Variants in UNK observed in about 807,000 individuals in gnomAD.
UNK encodes the protein unk zinc finger, also known as RING finger protein unkempt homolog.
A neutral mutation model predicts 97.6 loss-of-function variants in UNK; 32 were observed. The observed-to-expected ratio is 0.33, with a 90% CI of 0.25 to 0.44. The LOEUF is 0.44. Among genes scored for constraint, UNK ranks in the 20% least tolerant of loss-of-function variants. The pLI, the probability that UNK is intolerant of heterozygous loss-of-function variation, is 1.00. For synonymous variants in UNK, 441 were observed against 461.2 expected, an observed-to-expected ratio of 0.96 and a Z score of 0.56; for missense variants, 771 against 1,098.4, an observed-to-expected ratio of 0.70 and a Z score of 4.21.
chr17:75,822,792 C>G, intron 14 of UNK, 134 bp downstream of exon 14: 1 of 1,145,784 alleles, frequency 8.7e-7, no homozygotes, highest in Non-Finnish European at 1.2e-6. Flanking sequence ...GTTTTGTTCG[C>G]TCGCTCTCCC....
chr17:75,824,265 G>C lies in UNK; in HGVS notation c.2281G>C (p.Val761Leu). ...CACGATGCCCCTTTCCCTGCAGGCC[G>C]TGTTCCACATGCAGTCGGTGAAATG... ...RAHLEQVDKAVFHMQSVKCLK... is the reference protein window; with the variant it reads ...RAHLEQVDKALFHMQSVKCLK... Residue 761 changes from valine (V) to leucine (L), a missense_variant, in exon 16 of 16, where the codon GTG becomes CTG. Transcript: ENST00000589666. This position sits in a 1 kb window ranked among gnomAD's most constrained non-coding sequence, Gnocchi z 4.9. 1 of 1,594,084 alleles carries C rather than the reference G, an allele frequency of 6.3e-7. No individual in the cohort carries two copies. Among genetic ancestry groups the C allele is most frequent in the South Asian group, 1.1e-5 (1 of 89,362 alleles).
rs2062034406 is a variant in UNK, at chr17:75,818,206, G to A, written c.1371+38G>A. The A allele has an allele frequency of 6.8e-6, 11 of 1,610,366 alleles. No individual in the cohort carries two copies. Among genetic ancestry groups the A allele is most frequent in the Non-Finnish European group, 7.6e-6 (9 of 1,177,852 alleles). The stretch of plus-strand genomic sequence containing the variant: ...CAGCCCCCTTCCTCCCCTCTGCTGT[G>A]GACAGGAGTGGCCCAGAACCCCAGG... On this transcript the variant is annotated intron_variant, in intron 10 of 15. Coordinates refer to ENST00000589666, the MANE Select transcript of UNK (RefSeq NM_001080419.3). This position sits in a 1 kb window ranked among gnomAD's most constrained non-coding sequence, Gnocchi z 5.1.
At position 75,809,892 on chromosome 17, in the gene UNK, C is replaced by T. The variant is rs751752559; in HGVS notation, c.237C>T (p.Asp79=). The T allele has an allele frequency of 1.3e-5, 21 of 1,613,782 alleles. No individual in the cohort carries two copies. The highest frequency in any genetic ancestry group is 4.5e-5 in the East Asian group (2 of 44,904). The part of the protein sequence containing the change: ...QRRRRSIRRR[D]GTFNYSPDVY... ...GCCGCCGGTCCATCCGCCGTCGGGA[C>T]GGCACCTTCAATTACAGCCCTGACG... Residue 79 remains aspartate (D), a synonymous_variant, in exon 2 of 16, where the codon GAC becomes GAT. Transcript: ENST00000589666.
At chr17:75,803,325 C>T (rs1284257925) in intron 1 of UNK, among the ~76,000 whole-genome samples, 1 of 152,156 alleles carries the variant, frequency 6.6e-6, no homozygotes, top group East Asian at 1.9e-4. Context: ...ATCACTTGAA[C>T]CCGGGAGGCG....
At position 75,819,021 on chromosome 17, in the gene UNK, TGTGCAAATTAGAAAGAG is replaced by T. The variant is rs926865514; in HGVS notation, c.1546+210_1546+226del. 1.8e-6 allele frequency: 1 copy of T among 541,542 alleles called. No homozygotes were observed. Among genetic ancestry groups the T allele is most frequent in the Non-Finnish European group, 3.1e-6 (1 of 326,734 alleles). The allele number at this position is 541,542 out of a possible 1,614,324, so 33.5% of individuals were successfully genotyped here. Reference sequence around the variant, plus strand: ...CCAGGACTGACCCTTAGAGCTCCTTTGTGCAAATTAGAAAGAGGTGCCTTTTCCCCTTGGTGAGTACA... The same window carrying T: ...CCAGGACTGACCCTTAGAGCTCCTTTGTGCCTTTTCCCCTTGGTGAGTACA... On this transcript the variant is annotated intron_variant, in intron 11 of 15. Coordinates refer to ENST00000589666, the MANE Select transcript of UNK (RefSeq NM_001080419.3). This position sits in a 1 kb window ranked among gnomAD's most constrained non-coding sequence, Gnocchi z 5.4.
At chr17:75,799,462 T>C (rs1020710300) in intron 1 of UNK, among the ~76,000 whole-genome samples, 2 of 152,212 alleles carry the variant, frequency 1.3e-5, no homozygotes, top group African/African-American at 4.8e-5. Flanking sequence ...AGAGAGAGCT[T>C]ACTGAGTTAA....
At chr17:75,785,079 T>G in intron 1 of UNK, 95 bp downstream of exon 1, 4 of 728,972 alleles carry the variant, frequency 5.5e-6, no homozygotes, top group Non-Finnish European at 8.4e-6. Context: ...GGCGGCCTCT[T>G]CCTCCCCCCC....
chr17:75,818,995 G>A lies in UNK; in HGVS notation c.1546+179G>A. 2.8e-6 allele frequency: 2 copies of A among 701,906 alleles called. No homozygotes were observed. The highest frequency in any genetic ancestry group is 4.4e-6 in the Non-Finnish European group (2 of 450,176). 43.5% of individuals were successfully genotyped at this position (701,906 alleles called of 1,614,324 possible). On this transcript the variant is annotated intron_variant, in intron 11 of 15. Coordinates refer to ENST00000589666, the MANE Select transcript of UNK (RefSeq NM_001080419.3). This position sits in a 1 kb window ranked among gnomAD's most constrained non-coding sequence, Gnocchi z 5.1. ...AGGGGAAATGACCCCAAGGTGTAGG[G>A]CCAGGACTGACCCTTAGAGCTCCTT...
intron 4 of UNK, among the ~76,000 whole-genome samples, 158 bp downstream of exon 4, chr17:75,812,743 C>T (rs754095772): frequency 2.6e-5 from 4 of 152,226 alleles, no homozygotes; most frequent in East Asian, 3.8e-4. Flanking sequence ...CCTCTAGGGG[C>T]GTTTTCCCTG....
At position 75,818,982 on chromosome 17, in the gene UNK, C is replaced by A; in HGVS notation, c.1546+166C>A. ...TCCTTTGAGCTAAAGGGGAAATGAC[C>A]CCAAGGTGTAGGGCCAGGACTGACC... On this transcript the variant is annotated intron_variant, in intron 11 of 15. Transcript: ENST00000589666. The surrounding 1 kb of genome is among the most constrained non-coding windows in gnomAD (Gnocchi z 5.1). The A allele has an allele frequency of 1.2e-6, 1 of 820,542 alleles. No homozygotes were observed. The highest frequency in any genetic ancestry group is 1.8e-6 in the Non-Finnish European group (1 of 550,086). The allele number at this position is 820,542 out of a possible 1,614,324, so 50.8% of individuals were successfully genotyped here.
intron 1 of UNK, among the ~76,000 whole-genome samples, chr17:75,807,425 G>A (rs1046527386): frequency 3.3e-5 from 5 of 152,300 alleles, no homozygotes; most frequent in Non-Finnish European, 7.4e-5. Context: ...TGCCAGTTAC[G>A]TTGGAAACAG....
At chr17:75,791,075 C>T (rs1392117374) in intron 1 of UNK, among the ~76,000 whole-genome samples, 1 of 152,194 alleles carries the variant, frequency 6.6e-6, no homozygotes, top group Non-Finnish European at 1.5e-5. Flanking sequence ...GCAGTGACTG[C>T]AGTCGGTTCT....
intron 1 of UNK, among the ~76,000 whole-genome samples, chr17:75,805,988 T>A (rs945313353): frequency 3.9e-5 from 6 of 151,908 alleles, no homozygotes; most frequent in Non-Finnish European, 8.8e-5. Flanking sequence ...GGCTCACGCC[T>A]GTAATCCTAG....
Position 75,818,277 on chromosome 17 carries a change from C to T in UNK, c.1371+109C>T. ...CACCACTTTTCCCAAAAGCTGAGGG[C>T]AGGACTAAAGTGGGGTCCCAGCCAC... is the stretch of plus-strand genomic sequence containing the variant. On this transcript the variant is annotated intron_variant, in intron 10 of 15. Transcript: ENST00000589666. This position sits in a 1 kb window ranked among gnomAD's most constrained non-coding sequence, Gnocchi z 5.1. 1 of 1,296,632 alleles carries T rather than the reference C, an allele frequency of 7.7e-7. No homozygotes were observed. 80.3% of individuals were successfully genotyped at this position (1,296,632 alleles called of 1,614,324 possible). A position where few individuals can be genotyped will look rare whatever the true frequency, so the allele number is the denominator to read the frequency against.
At position 75,824,242 on chromosome 17, in the gene UNK, C is replaced by A; in HGVS notation, c.2278-20C>A. On this transcript the variant is annotated intron_variant, in intron 15 of 15. Transcript: ENST00000589666. The surrounding 1 kb of genome is among the most constrained non-coding windows in gnomAD (Gnocchi z 4.9). Reference sequence around the variant, plus strand: ...GGGCCAGACCCATGGATGGTGACCACGATGCCCCTTTCCCTGCAGGCCGTG... The same window carrying A: ...GGGCCAGACCCATGGATGGTGACCAAGATGCCCCTTTCCCTGCAGGCCGTG... 6.4e-7 allele frequency: 1 copy of A among 1,569,360 alleles called. No individual in the cohort carries two copies. Among genetic ancestry groups the A allele is most frequent in the South Asian group, 1.1e-5 (1 of 87,212 alleles).
In UNK at chr17:75,819,052, T is replaced by A; in HGVS notation, c.1546+236T>A. On this transcript the variant is annotated intron_variant, in intron 11 of 15. Transcript: ENST00000589666. The surrounding 1 kb of genome is among the most constrained non-coding windows in gnomAD (Gnocchi z 5.4). The stretch of plus-strand genomic sequence containing the variant: ...AATTAGAAAGAGGTGCCTTTTCCCC[T>A]TGGTGAGTACAGTCTCACCCCAAGA... 1 of 476,614 alleles carries A rather than the reference T, an allele frequency of 2.1e-6. No individual in the cohort carries two copies. The highest frequency in any genetic ancestry group is 4.1e-5 in the Admixed American group (1 of 24,350). 29.5% of individuals were successfully genotyped at this position (476,614 alleles called of 1,614,324 possible). A position where few individuals can be genotyped will look rare whatever the true frequency, so the allele number is the denominator to read the frequency against.
Position 75,798,768 on chromosome 17 carries a change from GAC to G in UNK, c.105-10991_105-10990del, listed in dbSNP as rs1272594461. On this transcript the variant is annotated intron_variant, in intron 1 of 15. Coordinates refer to ENST00000589666, the MANE Select transcript of UNK (RefSeq NM_001080419.3). The stretch of plus-strand genomic sequence containing the variant: ...TACCTGTAATCCCAGCACTTTGAGA[GAC>G]TAAAGAGGGTTGCTTGCTGGGCACG... 2.0e-5 allele frequency among the ~76,000 whole-genome samples: 3 copies of G among 152,110 alleles called. No individual in the cohort carries two copies. The East Asian group carries it at 5.8e-4, about 29-fold the overall frequency.
chr17:75,795,692 C>T (rs1054759930), intron 1 of UNK, among the ~76,000 whole-genome samples: 2 of 151,938 alleles, frequency 1.3e-5, no homozygotes, highest in East Asian at 1.9e-4. Context: ...GGAGGATGAA[C>T]GGGGGTTTGT....
rs953352300 is a variant in UNK at position 75,818,028 on chromosome 17, T to C, written c.1306-75T>C. The C allele has an allele frequency of 2.7e-6, 4 of 1,477,122 alleles. No individual in the cohort carries two copies. Among genetic ancestry groups the C allele is most frequent in the Non-Finnish European group, 3.8e-6 (4 of 1,060,656 alleles). The allele number at this position is 1,477,122 out of a possible 1,614,324, so 91.5% of individuals were successfully genotyped here. ...CTGCCACCACCTGCCCCCTGGTACC[T>C]GCAGCCTCAGGGTCAGATGGACTCA... On this transcript the variant is annotated intron_variant, in intron 9 of 15. Coordinates refer to ENST00000589666, the MANE Select transcript of UNK (RefSeq NM_001080419.3). The surrounding 1 kb of genome is among the most constrained non-coding windows in gnomAD (Gnocchi z 5.1).
Sources: gnomAD v4.1 joint callset for allele counts (sites outside exome capture counted in the v4.1 genomes callset) on GRCh38, gnomAD v4.1.1 for gene constraint, Gnocchi (gnomAD v3.1) non-coding constraint, MANE v1.5 for transcripts, NCBI Gene and HGNC (gene_info 2026-07-23, HGNC 2026-07-21) for gene names.